The following LRRC7 variants were observed in gnomAD, a reference collection of about 807,000 sequenced individuals.
LRRC7 encodes leucine rich repeat containing 7, also known as leucine-rich repeat-containing protein 7.
Under a neutral mutation model 175.7 loss-of-function variants are expected in LRRC7, and 23 were observed. The ratio of observed to expected loss-of-function variants is 0.13; its 90% CI spans 0.09 to 0.19. The LOEUF (loss-of-function observed/expected upper bound fraction) is 0.19, where lower values mean the gene tolerates loss of function less well. Ranked by LOEUF, LRRC7 falls within the 10% of genes least tolerant of loss-of-function variation. The probability of loss-of-function intolerance (pLI) is 1.00; values close to 1 mark genes in which losing one functional copy is unlikely to be tolerated. For synonymous variants in LRRC7, 685 were observed against 680.9 expected (o/e 1.01, Z -0.09); for missense variants, 1,354 against 1,904.7 (o/e 0.71, Z 5.38).
At chr1:69,926,784 A>C (rs1442929423) in intron 7 of LRRC7, among the ~76,000 whole-genome samples, 1 of 152,122 alleles carries the variant, frequency 6.6e-6, no homozygotes, top group Non-Finnish European at 1.5e-5. Flanking sequence ...GTGTCTTTTA[A>C]TTGGAGCATT....
At chr1:69,721,269 G>C in intron 2 of LRRC7, among the ~76,000 whole-genome samples, 1 of 151,896 alleles carries the variant, frequency 6.6e-6, no homozygotes, top group African/African-American at 2.4e-5. Flanking sequence ...TTTACTCCTG[G>C]TGTTGTATAT....
chr1:69,917,398 G>A (rs921930565), intron 7 of LRRC7, among the ~76,000 whole-genome samples: 3 of 152,164 alleles, frequency 2.0e-5, no homozygotes, highest in Non-Finnish European at 4.4e-5. Context: ...TGAAGAAGGC[G>A]TAGAGCCAAT....
intron 7 of LRRC7, among the ~76,000 whole-genome samples, chr1:69,928,637 C>T (rs565147843): frequency 2.4e-4 from 36 of 152,296 alleles, no homozygotes; most frequent in Non-Finnish European, 4.0e-4. Context: ...TCTCCTGGTG[C>T]GCCATTTTTT....
intron 23 of LRRC7, among the ~76,000 whole-genome samples, chr1:70,074,815 G>C (rs1301896091): frequency 1.3e-5 from 2 of 152,068 alleles, no homozygotes; most frequent in Non-Finnish European, 2.9e-5. Flanking sequence ...CTCTGAAAAT[G>C]ATTTTTCATT....
chr1:69,917,735 A>T (rs1205468902), intron 7 of LRRC7, among the ~76,000 whole-genome samples: 4 of 152,140 alleles, frequency 2.6e-5, no homozygotes, highest in Admixed American at 6.5e-5. Context: ...TTTTCCATTC[A>T]TGAGAGTAGG....
intron 5 of LRRC7, 112 bp downstream of exon 5, chr1:69,825,938 G>T (rs886950232): frequency 9.2e-6 from 5 of 546,132 alleles, no homozygotes; most frequent in Middle Eastern, 4.7e-4. Flanking sequence ...CATTGACATA[G>T]CATTTAATAG....
intron 1 of LRRC7, among the ~76,000 whole-genome samples, chr1:69,632,005 C>T (rs1652586796): frequency 6.6e-6 from 1 of 152,134 alleles, no homozygotes; most frequent in African/African-American, 2.4e-5. Context: ...TAAAGTCTTT[C>T]CTCCTTTTCC....
intron 22 of LRRC7, among the ~76,000 whole-genome samples, chr1:70,047,880 A>C (rs1213481941): frequency 6.6e-6 from 1 of 152,034 alleles, no homozygotes; most frequent in Non-Finnish European, 1.5e-5. Context: ...CTAATTTCCC[A>C]GAAAATTTAG....
chr1:69,618,140 C>T (rs924975196), intron 1 of LRRC7, among the ~76,000 whole-genome samples: 1 of 151,914 alleles, frequency 6.6e-6, no homozygotes, highest in Non-Finnish European at 1.5e-5. Context: ...ATTTTTTTCC[C>T]CCGCAGGAAC....
intron 4 of LRRC7, among the ~76,000 whole-genome samples, chr1:69,795,370 G>A (rs1447481213): frequency 2.4e-4 from 30 of 125,722 alleles, no homozygotes; most frequent in South Asian, 2.4e-4. Flanking sequence ...GCAAGACACC[G>A]TCTCGAAAAA....
rs532674322 is a variant in LRRC7 at position 70,060,375 on chromosome 1, A to C, written c.4230+7230A>C. Among the ~76,000 whole-genome samples, 20 of 152,224 alleles carry C rather than the reference A, an allele frequency of 1.3e-4. No individual in the cohort carries two copies. The South Asian group carries it at 3.7e-3, about 28-fold the overall frequency. ...ATTACAGTCACTGAAAAGTAAATTT[A>C]TTGAAATTGTTTTCCACTGAAAAGA... On this transcript the variant is annotated intron_variant, in intron 23 of 26. Coordinates refer to ENST00000651989, the MANE Select transcript of LRRC7 (RefSeq NM_001370785.2).
intron 7 of LRRC7, among the ~76,000 whole-genome samples, chr1:69,857,733 C>T (rs572778309): frequency 2.0e-5 from 3 of 152,274 alleles, no homozygotes; most frequent in Non-Finnish European, 4.4e-5. Context: ...CTACCAATGA[C>T]TTTGTTCACA....
rs1006773873 is a variant in LRRC7, at chr1:70,134,834, AT to A, written c.*12950del. ...GAGAAGTTAAATATCTCCTTAACAA[AT>A]TTAAATTGTACACAACAGTGCCACC... On this transcript the variant is annotated 3_prime_UTR_variant, in exon 27 of 27. Coordinates refer to ENST00000651989, the MANE Select transcript of LRRC7 (RefSeq NM_001370785.2). Among the ~76,000 whole-genome samples the A allele has an allele frequency of 6.6e-6, 1 of 152,204 alleles. No individual in the cohort carries two copies. Among genetic ancestry groups the A allele is most frequent in the Non-Finnish European group, 1.5e-5 (1 of 68,026 alleles).
chr1:69,881,655 G>A (rs987557185), intron 7 of LRRC7, among the ~76,000 whole-genome samples: 3 of 151,888 alleles, frequency 2.0e-5, no homozygotes, highest in Non-Finnish European at 2.9e-5. Flanking sequence ...AAGGCAGGAG[G>A]ATCACTGAGG....
chr1:69,718,282 G>A (rs1665964621), intron 2 of LRRC7, among the ~76,000 whole-genome samples: 1 of 151,808 alleles, frequency 6.6e-6, no homozygotes, highest in Non-Finnish European at 1.5e-5. Flanking sequence ...TTGTAAGCCA[G>A]TCTCAGGAAT....
At chr1:69,905,993 T>G (rs1646294899) in intron 7 of LRRC7, among the ~76,000 whole-genome samples, 1 of 152,278 alleles carries the variant, frequency 6.6e-6, no homozygotes, top group African/African-American at 2.4e-5. Flanking sequence ...TTGATTTGCA[T>G]TTCTCTGATG....
intron 11 of LRRC7, among the ~76,000 whole-genome samples, chr1:70,000,036 C>G (rs561075932): frequency 6.6e-6 from 1 of 152,248 alleles, no homozygotes; most frequent in South Asian, 2.1e-4. Context: ...GGAGTACTTT[C>G]AATTCCCACC....
intron 2 of LRRC7, among the ~76,000 whole-genome samples, chr1:69,687,723 C>A (rs557304823): frequency 2.6e-5 from 4 of 151,518 alleles, no homozygotes; most frequent in African/African-American, 9.7e-5. Context: ...CTTTTTTTTA[C>A]CCTTCTAACA....
At chr1:69,591,019 A>T (rs1028913874) in intron 1 of LRRC7, among the ~76,000 whole-genome samples, 1 of 152,174 alleles carries the variant, frequency 6.6e-6, no homozygotes, top group Non-Finnish European at 1.5e-5. Flanking sequence ...TTTTAAATAT[A>T]GAATACCTTA....
Sources: gnomAD v4.1 joint callset for allele counts (sites outside exome capture counted in the v4.1 genomes callset) on GRCh38, gnomAD v4.1.1 for gene constraint, MANE v1.5 for transcripts, NCBI Gene and HGNC (gene_info 2026-07-23, HGNC 2026-07-21) for gene names.